TEKT5: variants seen among roughly 807,000 people sequenced by gnomAD.
TEKT5 encodes the protein tektin-5.
In TEKT5, 52 loss-of-function variants were observed where a neutral mutation model predicts 48.7. The ratio of observed to expected loss-of-function variants is 1.07; its 90% CI spans 0.86 to 1.35. The LOEUF (loss-of-function observed/expected upper bound fraction) is 1.35. TEKT5 is among the 40% of genes most tolerant of loss of function. The pLI, the probability that TEKT5 is intolerant of heterozygous loss-of-function variation, is 0.00. For missense variants in TEKT5, 831 were observed against 641.6 expected, an observed-to-expected ratio of 1.30 and a Z score of -3.19; for synonymous variants, 318 against 267.6, an observed-to-expected ratio of 1.19 and a Z score of -1.84.
chr16:10,665,748 G>A (rs1198252474), intron 5 of TEKT5, among the ~76,000 whole-genome samples: 1 of 152,202 alleles, frequency 6.6e-6, no homozygotes, highest in Non-Finnish European at 1.5e-5. Flanking sequence ...GTACTATGAT[G>A]AGACCTGAGC....
rs993487101 is a variant in TEKT5, at chr16:10,694,218, C to T, written c.564+92G>A. The T allele has an allele frequency of 7.5e-6, 10 of 1,342,128 alleles. No homozygotes were observed. In the East Asian group the frequency reaches 2.3e-4, roughly 31 times the overall value. The allele number at this position is 1,342,128 out of a possible 1,614,324, so 83.1% of individuals were successfully genotyped here. ...GCAGCTCAAACCGACCTGCAAGGTG[C>T]CTGCCACCTTCATCTTCAGTCAAGG... On this transcript the variant is annotated intron_variant, in intron 1 of 6. Transcript: ENST00000283025.
intron 6 of TEKT5, among the ~76,000 whole-genome samples, chr16:10,628,857 G>A (rs1369712249): frequency 7.0e-6 from 1 of 141,852 alleles, no homozygotes; most frequent in African/African-American, 2.8e-5. Flanking sequence ...AGTGAGCTGA[G>A]ATCACATCAT....
chr16:10,657,483 A>G (rs1898281449), intron 5 of TEKT5, among the ~76,000 whole-genome samples: 1 of 152,150 alleles, frequency 6.6e-6, no homozygotes, highest in Non-Finnish European at 1.5e-5. Context: ...ATAAGACAGT[A>G]GAGAAATAGG....
intron 4 of TEKT5, among the ~76,000 whole-genome samples, chr16:10,676,803 C>T (rs1898654678): frequency 6.6e-6 from 1 of 152,234 alleles, no homozygotes; most frequent in Admixed American, 6.5e-5. Flanking sequence ...ACGGCAACAT[C>T]CGTGTCCTCA....
At chr16:10,637,149 T>C (rs565200599) in intron 5 of TEKT5, among the ~76,000 whole-genome samples, 4 of 102,148 alleles carry the variant, frequency 3.9e-5, no homozygotes, top group African/African-American at 1.4e-4. Flanking sequence ...GCCTGGCTAA[T>C]TTTTTTTTAT....
At chr16:10,637,474 G>A (rs1897932669) in intron 5 of TEKT5, among the ~76,000 whole-genome samples, 1 of 149,320 alleles carries the variant, frequency 6.7e-6, no homozygotes, top group Non-Finnish European at 1.5e-5. Flanking sequence ...GGGAGAGGAA[G>A]GGAGGGAGAA....
intron 6 of TEKT5, among the ~76,000 whole-genome samples, chr16:10,635,249 C>T (rs986228490): frequency 4.1e-5 from 6 of 147,456 alleles, no homozygotes; most frequent in Non-Finnish European, 5.9e-5. Flanking sequence ...GAAAGCCCTT[C>T]GTCAACAGAC....
At chr16:10,629,409 C>A (rs1369720584) in intron 6 of TEKT5, among the ~76,000 whole-genome samples, 1 of 152,106 alleles carries the variant, frequency 6.6e-6, no homozygotes, top group African/African-American at 2.4e-5. Flanking sequence ...TGCCGCCACA[C>A]CCAGCTAATT....
chr16:10,681,964 G>T, intron 4 of TEKT5, 29 bp downstream of exon 4: 1 of 1,610,472 alleles, frequency 6.2e-7, no homozygotes, highest in Non-Finnish European at 8.5e-7. Flanking sequence ...GGACACGCCA[G>T]GGATGGGGAG....
intron 5 of TEKT5, among the ~76,000 whole-genome samples, chr16:10,651,309 C>A (rs936202336): frequency 2.6e-5 from 4 of 152,178 alleles, no homozygotes; most frequent in East Asian, 1.9e-4. Flanking sequence ...CCAGCCAGCA[C>A]CCCCAATCGC....
In TEKT5 at chr16:10,636,388, A is replaced by AG. The variant is rs397854772; in HGVS notation, c.1087-471dup. Among the ~76,000 whole-genome samples, 14 of 150,762 alleles carry AG rather than the reference A, an allele frequency of 9.3e-5. No individual in the cohort carries two copies. In the South Asian group the frequency reaches 2.9e-3, roughly 32 times the overall value. On this transcript the variant is annotated intron_variant, in intron 5 of 6. Coordinates refer to ENST00000283025, the MANE Select transcript of TEKT5 (RefSeq NM_144674.2). ...GAGACTTTGTCTCAAAAAAAAAAAA[A>AG]GGGTTAGAAACCCTGAGAAGCCGCT... is the stretch of plus-strand genomic sequence containing the variant.
intron 4 of TEKT5, among the ~76,000 whole-genome samples, chr16:10,681,311 T>G (rs988981920): frequency 5.3e-5 from 8 of 152,078 alleles, no homozygotes; most frequent in Non-Finnish European, 1.2e-4. Context: ...ATGAAGTGAC[T>G]TGCTCAGTGT....
intron 4 of TEKT5, among the ~76,000 whole-genome samples, chr16:10,679,910 A>C (rs115368486): frequency 0.026 from 3,984 of 152,212 alleles, 177 homozygotes; most frequent in African/African-American, 0.091. Context: ...ATAAATAAAT[A>C]AATAAATAAA....
At position 10,689,308 on chromosome 16, in the gene TEKT5, T is replaced by G. The variant is rs369756484; in HGVS notation, c.664A>C (p.Lys222Gln). Residue 222 changes from lysine (K) to glutamine (Q), a missense_variant, in exon 3 of 7, where the codon AAA becomes CAA. Coordinates refer to ENST00000283025, the MANE Select transcript of TEKT5 (RefSeq NM_144674.2). ...KNLIREVDLL[K>Q]CCQEQMRKLA... Reference sequence around the variant, plus strand: ...TTTCTCATCTGTTCTTGGCAACATTTTAGCAAATCCACTTCCTGAAATGAA... The same window carrying G: ...TTTCTCATCTGTTCTTGGCAACATTGTAGCAAATCCACTTCCTGAAATGAA... 6 of 1,613,664 alleles carry G rather than the reference T, an allele frequency of 3.7e-6. No individual in the cohort carries two copies. Among genetic ancestry groups the G allele is most frequent in the Non-Finnish European group, 4.2e-6 (5 of 1,179,834 alleles).
chr16:10,627,603 GC>G lies in TEKT5; in HGVS notation c.1437del (p.Arg480AlafsTer?). 6.2e-7 allele frequency: 1 copy of G among 1,614,146 alleles called. No individual in the cohort carries two copies. The highest frequency in any genetic ancestry group is 8.5e-7 in the Non-Finnish European group (1 of 1,180,002). ...GGTGCTCAGGTGTGGCCCACCAGGC[GC>G]GGGGTGCAGGGGAAGGTCTTACGCA... ...MGMRKTFPCT[P>X]RLVGHT On this transcript the variant is annotated frameshift_variant, in exon 7 of 7. Coordinates refer to ENST00000283025, the MANE Select transcript of TEKT5 (RefSeq NM_144674.2). LOFTEE classifies it high-confidence loss of function.
At chr16:10,630,241 A>AT (rs555943042) in intron 6 of TEKT5, among the ~76,000 whole-genome samples, 8,347 of 144,628 alleles carry the variant, frequency 0.058, 687 homozygotes, top group African/African-American at 0.19. Flanking sequence ...GCTGATTTTA[A>AT]TTTTTTTTTT....
Position 10,657,327 on chromosome 16 carries a change from C to T in TEKT5, c.1086+18632G>A, listed in dbSNP as rs112334962. Among the ~76,000 whole-genome samples, 293 of 151,836 alleles carry T rather than the reference C, an allele frequency of 1.9e-3. 4 individuals carry two copies. Among genetic ancestry groups the T allele is most frequent in the African/African-American group, 6.9e-3 (287 of 41,408 alleles). On this transcript the variant is annotated intron_variant, in intron 5 of 6. Transcript: ENST00000283025. ...GTATTTAGTAGAAACAGGGTTTCAC[C>T]ATGTTGGCCAGGCTGGTCTCGAACT...
Position 10,686,919 on chromosome 16 carries a change from A to G in TEKT5, c.719+2334T>C, listed in dbSNP as rs139234686. Among the ~76,000 whole-genome samples, 485 of 152,320 alleles carry G rather than the reference A, an allele frequency of 3.2e-3. 4 individuals are homozygous for G. The highest frequency in any genetic ancestry group is 6.8e-3 in the Middle Eastern group (2 of 294). On this transcript the variant is annotated intron_variant, in intron 3 of 6. Coordinates refer to ENST00000283025, the MANE Select transcript of TEKT5 (RefSeq NM_144674.2). ...TACTCAGCCTTAAAAAAAGAAGAAA[A>G]TCCTGTCATTTGTGACAACATGGAT...
chr16:10,686,456 C>CAAA (rs58181454), intron 3 of TEKT5, among the ~76,000 whole-genome samples: 31 of 115,550 alleles, frequency 2.7e-4, no homozygotes, highest in African/African-American at 9.4e-4. Context: ...GACTCCATCT[C>CAAA]AAAAAAAAAA....
Sources: allele counts gnomAD v4.1 joint callset (sites outside exome capture counted in the v4.1 genomes callset), GRCh38; gene constraint gnomAD v4.1.1; transcripts MANE v1.5; gene names NCBI Gene and HGNC (gene_info 2026-07-23, HGNC 2026-07-21).